Variants in RNF144A observed in about 807,000 individuals in gnomAD.
The protein encoded by RNF144A is ring finger protein 144A.
In RNF144A, 11 loss-of-function variants were observed where a neutral mutation model predicts 38.7. That is an observed-to-expected ratio of 0.28 (90% CI 0.18 to 0.47). RNF144A has a LOEUF of 0.47. Ranked by LOEUF, RNF144A falls within the 20% of genes least tolerant of loss-of-function variation. The pLI is 0.99. For synonymous variants in RNF144A, 149 were observed against 143.9 expected, an observed-to-expected ratio of 1.04 and a Z score of -0.25; for missense variants, 316 against 377.2, an observed-to-expected ratio of 0.84 and a Z score of 1.34.
At chr2:7,026,533 T>C (rs940243401) in intron 7 of RNF144A, among the ~76,000 whole-genome samples, 1 of 152,042 alleles carries the variant, frequency 6.6e-6, no homozygotes, top group Non-Finnish European at 1.5e-5. Flanking sequence ...ATCATTGAAT[T>C]ATGATATAAT....
At chr2:7,056,675 C>T (rs913807966) in intron 6 of RNF144A, among the ~76,000 whole-genome samples, 3 of 152,122 alleles carry the variant, frequency 2.0e-5, no homozygotes, top group Non-Finnish European at 4.4e-5. Context: ...CTCAAGTGTT[C>T]CCTCCCCTGT....
chr2:7,057,604 A>G (rs972480256), intron 6 of RNF144A, among the ~76,000 whole-genome samples: 4 of 152,234 alleles, frequency 2.6e-5, no homozygotes, highest in African/African-American at 9.6e-5. Context: ...TGGTATAAGA[A>G]TAATAGATGA....
chr2:7,021,083 CATAA>C (rs1671498572), intron 6 of RNF144A, among the ~76,000 whole-genome samples: 1 of 152,120 alleles, frequency 6.6e-6, no homozygotes. Context: ...GTGCACTGGT[CATAA>C]ATACTGTCTG....
At chr2:6,991,913 G>T (rs1669409420) in intron 2 of RNF144A, among the ~76,000 whole-genome samples, 1 of 152,132 alleles carries the variant, frequency 6.6e-6, no homozygotes, top group Admixed American at 6.5e-5. Flanking sequence ...TCCTACCCTT[G>T]AATAATGTAT....
At chr2:7,068,247 A>C (rs1191265086) in exon 7 of RNF144A, 1 of 1,302,766 alleles carries the variant, frequency 7.7e-7, no homozygotes, top group East Asian at 5.6e-5. Context: ...TGCATTCTCC[A>C]TAATACTGAA....
chr2:6,947,395 T>C (rs1297004230), intron 2 of RNF144A, among the ~76,000 whole-genome samples: 1 of 152,126 alleles, frequency 6.6e-6, no homozygotes, highest in African/African-American at 2.4e-5. Context: ...CTTCCACTGA[T>C]AAAATATAGA....
chr2:6,930,086 G>T (rs943248898), intron 1 of RNF144A, among the ~76,000 whole-genome samples: 1 of 152,236 alleles, frequency 6.6e-6, no homozygotes, highest in Non-Finnish European at 1.5e-5. Context: ...TCCAAGAGAT[G>T]ATACTAAATG....
At chr2:6,955,309 A>G (rs1225235391) in intron 2 of RNF144A, among the ~76,000 whole-genome samples, 1 of 152,244 alleles carries the variant, frequency 6.6e-6, no homozygotes, top group African/African-American at 2.4e-5. Context: ...GCTTAGGCTC[A>G]GATGGGAATA....
At position 7,014,672 on chromosome 2, in the gene RNF144A, A is replaced by G. The variant is rs765859984; in HGVS notation, c.241-40A>G. 3 of 1,572,914 alleles carry G rather than the reference A, an allele frequency of 1.9e-6. No individual in the cohort carries two copies. The South Asian group carries it at 3.3e-5, about 17-fold the overall frequency. The stretch of plus-strand genomic sequence containing the variant: ...TGCGTTGCATTATATTCTAGCCCTC[A>G]GCTTGTTATCATTCCTGTTTGCATT... On this transcript the variant is annotated intron_variant, in intron 4 of 8. Coordinates refer to ENST00000320892, the MANE Select transcript of RNF144A (RefSeq NM_014746.6).
chr2:6,977,193 G>C (rs1215072675), intron 2 of RNF144A, among the ~76,000 whole-genome samples: 1 of 152,210 alleles, frequency 6.6e-6, no homozygotes, highest in Non-Finnish European at 1.5e-5. Flanking sequence ...TGATTTTATA[G>C]GTGGAAAATA....
chr2:6,975,063 T>A (rs1437861552), intron 2 of RNF144A, among the ~76,000 whole-genome samples: 1 of 152,196 alleles, frequency 6.6e-6, no homozygotes, highest in Non-Finnish European at 1.5e-5. Flanking sequence ...TGTGTATTAG[T>A]CCATTTTCAT....
chr2:7,022,232 TTTG>T (rs570851244), intron 6 of RNF144A, among the ~76,000 whole-genome samples: 71 of 152,252 alleles, frequency 4.7e-4, no homozygotes, highest in Middle Eastern at 3.4e-3. Context: ...TATTGGAGGG[TTTG>T]TTGTTGTTGT....
rs1246029028 is a variant in RNF144A at position 6,962,026 on chromosome 2, A to G, written c.-12+20879A>G. On this transcript the variant is annotated intron_variant, in intron 2 of 8. Coordinates refer to ENST00000320892, the MANE Select transcript of RNF144A (RefSeq NM_014746.6). The surrounding 1 kb of genome is among the most constrained non-coding windows in gnomAD (Gnocchi z 4.1). ...TACGAAGAGTGAGGTTGACAGTGGA[A>G]GTTTAATAGGTGAAAGAAAGAGAAT... Among the ~76,000 whole-genome samples, 1 of 152,186 alleles carries G rather than the reference A, an allele frequency of 6.6e-6. No homozygotes were observed. The highest frequency in any genetic ancestry group is 1.5e-5 in the Non-Finnish European group (1 of 68,034).
downstream of RNF144A, among the ~76,000 whole-genome samples, chr2:7,046,352 C>T (rs376858718): frequency 2.6e-5 from 4 of 152,132 alleles, no homozygotes; most frequent in African/African-American, 7.2e-5. Flanking sequence ...CGAATGGGGC[C>T]CAGAGCAGCA....
rs553450986 is a variant in RNF144A at position 7,059,341 on chromosome 2, G to A, written c.735-8875G>A. Among the ~76,000 whole-genome samples, 47 of 151,816 alleles carry A rather than the reference G, an allele frequency of 3.1e-4. 1 individual carries two copies. The highest frequency in any genetic ancestry group is 6.8e-3 in the Middle Eastern group (2 of 294). On this transcript the variant is annotated intron_variant, in intron 6 of 6. Transcript: ENST00000432850. ...AGCCTGGGTGACAGAGCGAGACTCC[G>A]CCTCAAAAAAAAATAAATGCTACTT...
At chr2:7,058,677 A>G (rs942096334) in intron 6 of RNF144A, among the ~76,000 whole-genome samples, 1 of 152,172 alleles carries the variant, frequency 6.6e-6, no homozygotes, top group African/African-American at 2.4e-5. Context: ...TAGTGTCTAA[A>G]TCTCCTCTAT....
intron 2 of RNF144A, 137 bp from the exon 3 acceptor site, chr2:6,996,779 A>C: frequency 2.4e-6 from 2 of 836,172 alleles, no homozygotes; most frequent in South Asian, 3.6e-5. Flanking sequence ...TTCTCAGAAC[A>C]TCCAGATGCT....
intron 6 of RNF144A, among the ~76,000 whole-genome samples, chr2:7,050,992 C>T (rs1342126824): frequency 6.6e-6 from 1 of 152,228 alleles, no homozygotes; most frequent in Non-Finnish European, 1.5e-5. Flanking sequence ...TAGATCCTCC[C>T]TTTTCTTCAT....
intron 5 of RNF144A, among the ~76,000 whole-genome samples, chr2:7,015,401 G>T (rs1312489156): frequency 6.6e-6 from 1 of 152,174 alleles, no homozygotes; most frequent in Non-Finnish European, 1.5e-5. Flanking sequence ...TGGGTGCTTT[G>T]GGACCACATC....
Sources: gnomAD v4.1 joint callset for allele counts (sites outside exome capture counted in the v4.1 genomes callset) on GRCh38, gnomAD v4.1.1 for gene constraint, Gnocchi (gnomAD v3.1) non-coding constraint, MANE v1.5 for transcripts, NCBI Gene and HGNC (gene_info 2026-07-23, HGNC 2026-07-21) for gene names.